Variants in TMEM132B observed in about 807,000 individuals in gnomAD.
TMEM132B encodes transmembrane protein 132B.
TMEM132B carries 18 observed loss-of-function variants against 90.8 expected under a neutral mutation model. The ratio of observed to expected loss-of-function variants is 0.20; its 90% CI spans 0.14 to 0.29. TMEM132B has a LOEUF of 0.29. Among genes scored for constraint, TMEM132B ranks in the 10% least tolerant of loss-of-function variants. The pLI is 1.00. For synonymous variants in TMEM132B, 504 were observed against 523.3 expected, an observed-to-expected ratio of 0.96 and a Z score of 0.50; for missense variants, 1,096 against 1,326.8, an observed-to-expected ratio of 0.83 and a Z score of 2.70.
chr12:125,394,110 C>T (rs73235405), intron 2 of TMEM132B, among the ~76,000 whole-genome samples: 2,927 of 152,278 alleles, frequency 0.019, 49 homozygotes, highest in South Asian at 0.044. Context: ...AGCCACAAGC[C>T]TAAAGAGAAT....
intron 4 of TMEM132B, among the ~76,000 whole-genome samples, chr12:125,527,558 ATCC>A (rs1883522661): frequency 7.6e-6 from 1 of 131,118 alleles, no homozygotes; most frequent in African/African-American, 3.3e-5. Context: ...CCACCCTTCC[ATCC>A]ACCCATCCAC....
At chr12:125,608,004 G>A (rs186507894) in intron 5 of TMEM132B, among the ~76,000 whole-genome samples, 20 of 152,196 alleles carry the variant, frequency 1.3e-4, no homozygotes, top group African/African-American at 4.6e-4. Flanking sequence ...TGGACAATTG[G>A]GTTGATTTCA....
In TMEM132B at chr12:125,522,720, C is replaced by A. The variant is rs111629150; in HGVS notation, c.1293+3095C>A. Among the ~76,000 whole-genome samples, 77 of 152,228 alleles carry A rather than the reference C, an allele frequency of 5.1e-4. No individual in the cohort carries two copies. In the Middle Eastern group the frequency reaches 0.014, roughly 27 times the overall value. On this transcript the variant is annotated intron_variant, in intron 4 of 8. Coordinates refer to ENST00000682704, the MANE Select transcript of TMEM132B (RefSeq NM_001366854.1). Reference sequence around the variant, plus strand: ...ACCATGAACTGTAGGAGTGGGACACCGAGGAAGCCACCAATGCTGGAGAAG... The same window carrying A: ...ACCATGAACTGTAGGAGTGGGACACAGAGGAAGCCACCAATGCTGGAGAAG...
intron 1 of TMEM132B, among the ~76,000 whole-genome samples, chr12:125,202,363 CAGGT>C (rs1422705124): frequency 6.6e-6 from 1 of 152,250 alleles, no homozygotes; most frequent in Non-Finnish European, 1.5e-5. Flanking sequence ...GGGACAGCCC[CAGGT>C]CCTCTGCCAG....
intron 5 of TMEM132B, among the ~76,000 whole-genome samples, chr12:125,626,158 G>T (rs140898624): frequency 6.6e-6 from 1 of 151,986 alleles, no homozygotes; most frequent in Admixed American, 6.6e-5. Context: ...CTTAAGTGTA[G>T]ATCTAGATTT....
At chr12:125,248,447 C>A (rs570619304) in intron 1 of TMEM132B, among the ~76,000 whole-genome samples, 18 of 152,172 alleles carry the variant, frequency 1.2e-4, no homozygotes, top group Non-Finnish European at 2.5e-4. Context: ...TACCAGGGGG[C>A]ATCAATGATT....
At chr12:125,362,956 A>G (rs1248004948) in intron 2 of TMEM132B, among the ~76,000 whole-genome samples, 3 of 152,094 alleles carry the variant, frequency 2.0e-5, no homozygotes, top group Non-Finnish European at 2.9e-5. Context: ...GAAGAGCTCT[A>G]TGGTAAGTTA....
intron 3 of TMEM132B, among the ~76,000 whole-genome samples, chr12:125,477,102 A>G (rs1881902326): frequency 6.6e-6 from 1 of 152,182 alleles, no homozygotes; most frequent in African/African-American, 2.4e-5. Flanking sequence ...ATTTAATACC[A>G]GTTCTATTAG....
At chr12:125,330,824 C>T (rs1006720255) in intron 1 of TMEM132B, among the ~76,000 whole-genome samples, 10 of 152,314 alleles carry the variant, frequency 6.6e-5, no homozygotes, top group African/African-American at 2.2e-4. Flanking sequence ...GAAGGACTGC[C>T]TGAGGCCAGG....
intron 5 of TMEM132B, among the ~76,000 whole-genome samples, chr12:125,637,839 T>G (rs1045826700): frequency 6.6e-6 from 1 of 152,168 alleles, no homozygotes; most frequent in African/African-American, 2.4e-5. Flanking sequence ...CATCAGTGGT[T>G]GCCTGGGGCC....
At chr12:125,305,323 G>A (rs928642190) in intron 1 of TMEM132B, among the ~76,000 whole-genome samples, 2 of 151,138 alleles carry the variant, frequency 1.3e-5, no homozygotes, top group South Asian at 4.2e-4. Flanking sequence ...GGGATTTGCT[G>A]TCATGAGGAG....
intron 2 of TMEM132B, among the ~76,000 whole-genome samples, chr12:125,399,923 T>C (rs1415364813): frequency 6.6e-6 from 1 of 152,208 alleles, no homozygotes; most frequent in African/African-American, 2.4e-5. Context: ...TCAGATCAGC[T>C]TCACAGGCTG....
At chr12:125,323,538 G>C (rs566559990) in intron 1 of TMEM132B, among the ~76,000 whole-genome samples, 2 of 144,500 alleles carry the variant, frequency 1.4e-5, no homozygotes, top group African/African-American at 5.2e-5. Context: ...TGTTTTTTGA[G>C]ACAGGGTCTC....
chr12:125,221,386 G>A (rs1182779115), intron 1 of TMEM132B, among the ~76,000 whole-genome samples: 1 of 152,184 alleles, frequency 6.6e-6, no homozygotes, highest in Non-Finnish European at 1.5e-5. Context: ...TTCCCGTCTA[G>A]TCGGAGAAAT....
chr12:125,545,525 C>A (rs1884067103), intron 4 of TMEM132B, among the ~76,000 whole-genome samples: 1 of 152,154 alleles, frequency 6.6e-6, no homozygotes, highest in Non-Finnish European at 1.5e-5. Flanking sequence ...CCTTTCCCTG[C>A]CACACAGACA....
chr12:125,326,563 G>C lies in TMEM132B; in HGVS notation c.68-22889G>C, dbSNP rs1194997850. 1.9e-6 allele frequency: 3 copies of C among 1,548,264 alleles called. No homozygotes were observed. The East Asian group carries it at 7.0e-5, about 36-fold the overall frequency. On this transcript the variant is annotated intron_variant, in intron 1 of 8. Transcript: ENST00000682704. The stretch of plus-strand genomic sequence containing the variant: ...GGGGGGAGGTGGGAATTAGGAACTG[G>C]GGGGTGTTGAATAAAGCTGAAGATT...
intron 1 of TMEM132B, among the ~76,000 whole-genome samples, chr12:125,243,136 CAT>C (rs1352130172): frequency 4.6e-4 from 62 of 136,162 alleles, no homozygotes; most frequent in African/African-American, 1.2e-3. Context: ...CACACACACA[CAT>C]ATATATATAT....
intron 3 of TMEM132B, among the ~76,000 whole-genome samples, chr12:125,485,475 G>C (rs1400074406): frequency 6.6e-6 from 1 of 152,092 alleles, no homozygotes; most frequent in Admixed American, 6.6e-5. Flanking sequence ...GTAATTAGAT[G>C]GGACAAATTC....
At chr12:125,563,564 C>CG in intron 4 of TMEM132B, among the ~76,000 whole-genome samples, 1 of 79,552 alleles carries the variant, frequency 1.3e-5, no homozygotes, top group East Asian at 3.5e-4. Context: ...GACTCTGTCT[C>CG]AAAAACAAAC....
Sources: allele counts gnomAD v4.1 joint callset (sites outside exome capture counted in the v4.1 genomes callset), GRCh38; gene constraint gnomAD v4.1.1; transcripts MANE v1.5; gene names NCBI Gene and HGNC (gene_info 2026-07-23, HGNC 2026-07-21).